Variants in BNC2 observed in about 807,000 individuals in gnomAD.
BNC2 encodes zinc finger protein basonuclin-2.
A neutral mutation model predicts 76.3 loss-of-function variants in BNC2; 20 were observed. The ratio of observed to expected loss-of-function variants is 0.26; its 90% CI spans 0.18 to 0.38. BNC2 has a LOEUF of 0.38. BNC2 is among the 10% of genes least tolerant of loss of function. BNC2 has a pLI of 1.00. For synonymous variants in BNC2, 582 were observed against 514.8 expected (o/e 1.13, Z -1.77); for missense variants, 1,382 against 1,399.8 (o/e 0.99, Z 0.20).
chr9:16,702,571 G>A (rs1412717403), intron 3 of BNC2, among the ~76,000 whole-genome samples: 1 of 149,410 alleles, frequency 6.7e-6, no homozygotes, highest in East Asian at 1.9e-4. Flanking sequence ...TCTGCTGATG[G>A]CCTAATATCG....
In BNC2 at chr9:16,437,414, C is replaced by G; in HGVS notation, c.780G>C (p.Leu260=). Residue 260 remains leucine (L), a synonymous_variant, in exon 6 of 7, where the codon CTG becomes CTC. Coordinates refer to ENST00000380672, the MANE Select transcript of BNC2 (RefSeq NM_017637.6). ...GCCCTTCTTTCTCCTGAATTGCCAT[C>G]AGCTCCACAATGGATTTGGTTTCTC... The part of the protein sequence containing the change: ...RFGETKSIVE[L]MAIQEKEGQA... 1.9e-6 allele frequency: 3 copies of G among 1,611,812 alleles called. No homozygotes were observed. The East Asian group carries it at 6.7e-5, about 36-fold the overall frequency.
At chr9:16,780,756 C>CA (rs1826130066) in intron 1 of BNC2, among the ~76,000 whole-genome samples, 1 of 151,818 alleles carries the variant, frequency 6.6e-6, no homozygotes, top group Non-Finnish European at 1.5e-5. Context: ...AAAAAATCTG[C>CA]AAAAAATAAA....
intron 3 of BNC2, among the ~76,000 whole-genome samples, chr9:16,677,925 A>T (rs1822700989): frequency 6.6e-6 from 1 of 152,230 alleles, no homozygotes; most frequent in Admixed American, 6.5e-5. Flanking sequence ...TAATTTTACA[A>T]ACTAAGTAAT....
chr9:16,468,783 T>C (rs1299256844), intron 5 of BNC2, among the ~76,000 whole-genome samples: 1 of 152,196 alleles, frequency 6.6e-6, no homozygotes, highest in Non-Finnish European at 1.5e-5. Flanking sequence ...CTTAAAAGTG[T>C]TATTCAAGGT....
At chr9:16,669,264 C>T (rs1340683613) in intron 3 of BNC2, among the ~76,000 whole-genome samples, 2 of 152,064 alleles carry the variant, frequency 1.3e-5, no homozygotes, top group Non-Finnish European at 2.9e-5. Context: ...CCTGAAGAGC[C>T]CACTAAGGGA....
chr9:16,664,012 T>C (rs1822190695), intron 3 of BNC2, among the ~76,000 whole-genome samples: 1 of 152,194 alleles, frequency 6.6e-6, no homozygotes, highest in South Asian at 2.1e-4. Flanking sequence ...GTGCCATTAT[T>C]ATTAGAGATT....
At chr9:16,546,714 A>G (rs1320215050) in intron 5 of BNC2, among the ~76,000 whole-genome samples, 2 of 152,172 alleles carry the variant, frequency 1.3e-5, no homozygotes, top group Non-Finnish European at 2.9e-5. Context: ...GTGCCACTGA[A>G]TATACGAGAT....
intron 2 of BNC2, 185 bp from the exon 3 acceptor site, chr9:16,728,182 T>C (rs1018473676): frequency 1.5e-6 from 1 of 677,620 alleles, no homozygotes; most frequent in Non-Finnish European, 2.7e-6. Context: ...AGATTGTGAC[T>C]CCCCAAGCTT....
chr9:16,805,185 G>A (rs1052794027), intron 1 of BNC2, among the ~76,000 whole-genome samples: 55 of 152,140 alleles, frequency 3.6e-4, no homozygotes, highest in Admixed American at 3.3e-3. Flanking sequence ...GTTTGTCAGA[G>A]AACACATGCC....
At chr9:16,736,788 T>A (rs951252950) in intron 2 of BNC2, among the ~76,000 whole-genome samples, 8 of 151,396 alleles carry the variant, frequency 5.3e-5, no homozygotes, top group African/African-American at 1.9e-4. Context: ...GTTTTTTTTT[T>A]CTTTCTGAGA....
At chr9:16,707,625 G>A (rs1017618568) in intron 3 of BNC2, among the ~76,000 whole-genome samples, 1 of 152,032 alleles carries the variant, frequency 6.6e-6, no homozygotes, top group Non-Finnish European at 1.5e-5. Flanking sequence ...TTCTAAACAA[G>A]TTGCCAAGTA....
At chr9:16,636,074 T>C (rs1225454771) in intron 3 of BNC2, among the ~76,000 whole-genome samples, 1 of 152,164 alleles carries the variant, frequency 6.6e-6, no homozygotes, top group South Asian at 2.1e-4. Flanking sequence ...GGCAAAATAA[T>C]CTTAGGAATG....
At chr9:16,681,905 T>C (rs1175144993) in intron 3 of BNC2, among the ~76,000 whole-genome samples, 1 of 152,090 alleles carries the variant, frequency 6.6e-6, no homozygotes, top group Non-Finnish European at 1.5e-5. Flanking sequence ...TGAACAGATC[T>C]TAACCTGAAA....
chr9:16,674,245 GC>G (rs1157248934), intron 3 of BNC2, among the ~76,000 whole-genome samples: 6 of 152,148 alleles, frequency 3.9e-5, no homozygotes, highest in African/African-American at 1.2e-4. Context: ...CCTCTAGAAT[GC>G]TGGTTTACAA....
At chr9:16,602,438 T>A (rs1267688399) in intron 3 of BNC2, among the ~76,000 whole-genome samples, 1 of 151,972 alleles carries the variant, frequency 6.6e-6, no homozygotes, top group Non-Finnish European at 1.5e-5. Context: ...TTTGGAAAAA[T>A]TTTTCCCAAG....
chr9:16,512,861 C>T (rs1182022329), intron 5 of BNC2, among the ~76,000 whole-genome samples: 1 of 151,970 alleles, frequency 6.6e-6, no homozygotes, highest in African/African-American at 2.4e-5. Context: ...TATGGCTGGG[C>T]GTGGTGGCTC....
At position 16,655,492 on chromosome 9, in the gene BNC2, A is replaced by G. The variant is rs187685681; in HGVS notation, c.330+72305T>C. Among the ~76,000 whole-genome samples, 18 of 152,222 alleles carry G rather than the reference A, an allele frequency of 1.2e-4. No homozygotes were observed. In the East Asian group the frequency reaches 3.5e-3, roughly 29 times the overall value. On this transcript the variant is annotated intron_variant, in intron 3 of 6. Transcript: ENST00000380672. ...ACTGTATTACAGTTCCTCCTTGACT[A>G]TCTATCTGAAAAGTCTAAAAGGCCA...
intron 3 of BNC2, among the ~76,000 whole-genome samples, chr9:16,658,556 G>A (rs1822000621): frequency 6.6e-6 from 1 of 151,928 alleles, no homozygotes; most frequent in African/African-American, 2.4e-5. Flanking sequence ...CCATCAAATG[G>A]TCTAAGCCAC....
intron 1 of BNC2, among the ~76,000 whole-genome samples, chr9:16,812,852 C>G (rs941331360): frequency 6.6e-6 from 1 of 152,216 alleles, no homozygotes; most frequent in Middle Eastern, 3.4e-3. Flanking sequence ...ACAAAACACA[C>G]ACTTAGTAGT....
Sources: gnomAD v4.1 joint callset for allele counts (sites outside exome capture counted in the v4.1 genomes callset) on GRCh38, gnomAD v4.1.1 for gene constraint, MANE v1.5 for transcripts, NCBI Gene and HGNC (gene_info 2026-07-23, HGNC 2026-07-21) for gene names.